Variants in DGKB observed in about 807,000 individuals in gnomAD.
DGKB encodes diacylglycerol kinase beta.
DGKB carries 67 observed loss-of-function variants against 114.3 expected under a neutral mutation model. The ratio of observed to expected loss-of-function variants is 0.59; its 90% confidence interval spans 0.48 to 0.72. The LOEUF (loss-of-function observed/expected upper bound fraction) is 0.72. Among genes scored for constraint, DGKB ranks in the 30% least tolerant of loss-of-function variants. The pLI is 0.00. For synonymous variants in DGKB, 398 were observed against 323.1 expected (o/e 1.23, Z -2.49); for missense variants, 907 against 975.2 (o/e 0.93, Z 0.93).
At chr7:14,825,670 G>A (rs1845608241) in intron 2 of DGKB, among the ~76,000 whole-genome samples, 1 of 152,102 alleles carries the variant, frequency 6.6e-6, no homozygotes, top group Non-Finnish European at 1.5e-5. Context: ...GTGCAGCCTG[G>A]TTCCTAACAG....
intron 23 of DGKB, among the ~76,000 whole-genome samples, chr7:14,252,449 A>G (rs1795377691): frequency 6.6e-6 from 1 of 152,146 alleles, no homozygotes; most frequent in South Asian, 2.1e-4. Context: ...TTCAGTCCTC[A>G]TAGACTACTC....
intron 4 of DGKB, among the ~76,000 whole-genome samples, chr7:14,747,188 CTTTTTTTTT>C (rs372925762): frequency 8.1e-6 from 1 of 124,176 alleles, no homozygotes; most frequent in Non-Finnish European, 1.6e-5. Context: ...ACACAAACCT[CTTTTTTTTT>C]TTTTTTTTTT....
intron 23 of DGKB, among the ~76,000 whole-genome samples, chr7:14,319,654 T>G (rs1004479688): frequency 1.3e-5 from 2 of 152,176 alleles, no homozygotes; most frequent in Non-Finnish European, 2.9e-5. Flanking sequence ...TTGGGCTAGA[T>G]GAGCAATAAA....
At chr7:14,467,674 T>C (rs1419001858) in intron 21 of DGKB, among the ~76,000 whole-genome samples, 1 of 152,172 alleles carries the variant, frequency 6.6e-6, no homozygotes, top group East Asian at 1.9e-4. Flanking sequence ...TGAACCATTT[T>C]TTAAAAAATA....
chr7:14,690,953 A>G (rs1305034936), intron 9 of DGKB, among the ~76,000 whole-genome samples: 3 of 152,230 alleles, frequency 2.0e-5, no homozygotes, highest in Admixed American at 6.5e-5. Context: ...CTAACACTCT[A>G]TACCATTTCT....
chr7:14,338,243 T>C (rs903737549), intron 23 of DGKB, among the ~76,000 whole-genome samples: 2 of 152,124 alleles, frequency 1.3e-5, no homozygotes, highest in Non-Finnish European at 2.9e-5. Flanking sequence ...CAATATCTTC[T>C]ATTTTATTAT....
chr7:14,329,830 C>T (rs17168073), intron 23 of DGKB, among the ~76,000 whole-genome samples: 8,621 of 151,876 alleles, frequency 0.057, 492 homozygotes, highest in East Asian at 0.27. Context: ...ATCACTTGAG[C>T]GTTATATTAT....
chr7:14,891,912 G>T (rs1212849409), intron 1 of DGKB, among the ~76,000 whole-genome samples: 1 of 151,196 alleles, frequency 6.6e-6, no homozygotes, highest in African/African-American at 2.4e-5. Flanking sequence ...TATGACACCA[G>T]TTTTCATAGT....
At chr7:14,715,026 G>C (rs1170737749) in intron 6 of DGKB, among the ~76,000 whole-genome samples, 1 of 152,124 alleles carries the variant, frequency 6.6e-6, no homozygotes, top group Non-Finnish European at 1.5e-5. Flanking sequence ...GTTATCCCAT[G>C]GGACAGAGAC....
intron 21 of DGKB, among the ~76,000 whole-genome samples, chr7:14,461,395 G>T (rs1249990049): frequency 6.6e-6 from 1 of 150,914 alleles, no homozygotes; most frequent in Admixed American, 6.6e-5. Flanking sequence ...GAATCAAATA[G>T]ACAGAGTAAA....
chr7:14,438,716 T>C (rs1016735812), intron 21 of DGKB, among the ~76,000 whole-genome samples: 9 of 152,130 alleles, frequency 5.9e-5, no homozygotes, highest in Admixed American at 3.3e-4. Context: ...TGAAGCAAGA[T>C]GTCCTTCTAG....
intron 1 of DGKB, among the ~76,000 whole-genome samples, chr7:14,964,308 C>G (rs1467221326): frequency 6.6e-6 from 1 of 152,110 alleles, no homozygotes; most frequent in African/African-American, 2.4e-5. Flanking sequence ...AGTTTGAGAT[C>G]AGCCTGGGCC....
chr7:14,632,144 T>A (rs923019089), intron 13 of DGKB, among the ~76,000 whole-genome samples: 3 of 152,028 alleles, frequency 2.0e-5, no homozygotes, highest in Non-Finnish European at 1.5e-5. Flanking sequence ...TGGTCCACTT[T>A]CACTTTTACC....
chr7:14,639,059 A>G (rs1311063571), intron 13 of DGKB, among the ~76,000 whole-genome samples: 1 of 143,720 alleles, frequency 7.0e-6, no homozygotes. Flanking sequence ...AAATAAGTTT[A>G]TTTATTAAAT....
intron 1 of DGKB, among the ~76,000 whole-genome samples, chr7:14,892,237 G>C (rs909147567): frequency 1.3e-5 from 2 of 151,324 alleles, no homozygotes; most frequent in African/African-American, 2.4e-5. Flanking sequence ...CCAAGATCCA[G>C]AATGGAGGCA....
intron 4 of DGKB, chr7:14,749,984 A>C: frequency 2.4e-6 from 1 of 419,320 alleles, no homozygotes; most frequent in Non-Finnish European, 4.8e-6. Context: ...TGTATGACAC[A>C]GTCTTTTACC....
At chr7:14,260,666 A>C (rs1796638424) in intron 23 of DGKB, among the ~76,000 whole-genome samples, 1 of 152,214 alleles carries the variant, frequency 6.6e-6, no homozygotes, top group Non-Finnish European at 1.5e-5. Context: ...GTGAGACCTC[A>C]GCTTATTAAA....
chr7:14,921,669 A>T (rs1479200932), intron 1 of DGKB, among the ~76,000 whole-genome samples: 2 of 152,192 alleles, frequency 1.3e-5, no homozygotes, highest in African/African-American at 2.4e-5. Context: ...AGCTCCTCAA[A>T]ATAATTGACC....
chr7:14,448,257 G>A (rs548399709), intron 21 of DGKB, among the ~76,000 whole-genome samples: 123 of 152,206 alleles, frequency 8.1e-4, no homozygotes, highest in African/African-American at 2.6e-3. Flanking sequence ...GGAAAATGGG[G>A]TGGAGAAAGA....
Sources: gnomAD v4.1 joint callset for allele counts (sites outside exome capture counted in the v4.1 genomes callset) on GRCh38, gnomAD v4.1.1 for gene constraint, MANE v1.5 for transcripts, NCBI Gene and HGNC (gene_info 2026-07-23, HGNC 2026-07-21) for gene names.